PARD3B: variants seen among roughly 807,000 people sequenced by gnomAD.
The protein encoded by PARD3B is partitioning defective 3 homolog B.
A neutral mutation model predicts 130.2 loss-of-function variants in PARD3B; 103 were observed. The ratio of observed to expected loss-of-function variants is 0.79; its 90% CI spans 0.67 to 0.93. The LOEUF (loss-of-function observed/expected upper bound fraction) is 0.93. Among genes scored for constraint, PARD3B ranks in the 40% least tolerant of loss-of-function variants. The pLI is 0.00. For synonymous variants in PARD3B, 583 were observed against 553.2 expected, an observed-to-expected ratio of 1.05 and a Z score of -0.76; for missense variants, 1,609 against 1,499.2, an observed-to-expected ratio of 1.07 and a Z score of -1.21.
chr2:205,303,588 C>T (rs1000655250), intron 18 of PARD3B, among the ~76,000 whole-genome samples: 1 of 152,082 alleles, frequency 6.6e-6, no homozygotes, highest in African/African-American at 2.4e-5. Flanking sequence ...CCCACTGTAC[C>T]GCTCCTCCTC....
At chr2:205,377,540 G>A (rs1156994483) in intron 18 of PARD3B, among the ~76,000 whole-genome samples, 2 of 152,028 alleles carry the variant, frequency 1.3e-5, no homozygotes, top group Non-Finnish European at 1.5e-5. Context: ...AAAAGGATGG[G>A]AGGGAGATCC....
chr2:205,043,166 A>G (rs1698511385), intron 3 of PARD3B, among the ~76,000 whole-genome samples: 1 of 152,042 alleles, frequency 6.6e-6, no homozygotes, highest in Admixed American at 6.6e-5. Context: ...GTAAGGTTAT[A>G]TTTGTTTTAG....
chr2:205,032,530 C>T (rs1697499425), intron 3 of PARD3B, among the ~76,000 whole-genome samples: 1 of 152,126 alleles, frequency 6.6e-6, no homozygotes, highest in African/African-American at 2.4e-5. Context: ...AGTCTCTATA[C>T]AGGAAAGAAT....
chr2:205,544,134 A>G (rs1439641052), intron 21 of PARD3B, among the ~76,000 whole-genome samples: 1 of 152,212 alleles, frequency 6.6e-6, no homozygotes, highest in African/African-American at 2.4e-5. Context: ...TTTAGTAAGT[A>G]CTAGATATTA....
chr2:205,407,528 T>C lies in PARD3B; in HGVS notation c.2741+6405T>C, dbSNP rs1301006797. Among the ~76,000 whole-genome samples the C allele has an allele frequency of 6.6e-6, 1 of 152,192 alleles. No individual in the cohort carries two copies. The highest frequency in any genetic ancestry group is 1.5e-5 in the Non-Finnish European group (1 of 68,030). On this transcript the variant is annotated intron_variant, in intron 19 of 22. Coordinates refer to ENST00000406610, the MANE Select transcript of PARD3B (RefSeq NM_001302769.2). This position sits in a 1 kb window ranked among gnomAD's most constrained non-coding sequence, Gnocchi z 4.1. ...TGTCAGTAAGTATATATTGTTGTTA[T>C]TCAATTCTAAGACCTAAGTTTGTAA...
chr2:205,199,939 A>G (rs1182684195), intron 15 of PARD3B, among the ~76,000 whole-genome samples: 20 of 151,976 alleles, frequency 1.3e-4, no homozygotes, highest in East Asian at 1.9e-4. Flanking sequence ...GGTAATCTCA[A>G]TGCTGATCAT....
In PARD3B at chr2:204,673,724, C is replaced by T. The variant is rs2036410630; in HGVS notation, c.121-12457C>T. 1.3e-5 allele frequency among the ~76,000 whole-genome samples: 2 copies of T among 152,312 alleles called. No homozygotes were observed. The highest frequency in any genetic ancestry group is 2.1e-4 in the South Asian group (1 of 4,826). On this transcript the variant is annotated intron_variant, in intron 1 of 22. Transcript: ENST00000406610. The surrounding 1 kb of genome is among the most constrained non-coding windows in gnomAD (Gnocchi z 4.7). ...CCTCATCCTACTGTATTTTATCTCT[C>T]AAATTGCTTATCACTTACTAACATA...
intron 3 of PARD3B, among the ~76,000 whole-genome samples, chr2:205,034,462 G>A (rs1697656989): frequency 6.6e-6 from 1 of 152,116 alleles, no homozygotes; most frequent in South Asian, 2.1e-4. Flanking sequence ...CCTTTGTGTT[G>A]TGTGCTGATG....
chr2:204,825,723 C>A (rs1407527777), intron 2 of PARD3B, among the ~76,000 whole-genome samples: 1 of 152,200 alleles, frequency 6.6e-6, no homozygotes, highest in Admixed American at 6.5e-5. Flanking sequence ...CAGTAATTAT[C>A]CACTGAAGTT....
In PARD3B at chr2:204,967,351, A is replaced by G. The variant is rs1437778049; in HGVS notation, c.394+2028A>G. 1.3e-5 allele frequency among the ~76,000 whole-genome samples: 2 copies of G among 152,170 alleles called. No homozygotes were observed. Among genetic ancestry groups the G allele is most frequent in the African/African-American group, 2.4e-5 (1 of 41,444 alleles). On this transcript the variant is annotated intron_variant, in intron 3 of 22. Transcript: ENST00000406610. This position sits in a 1 kb window ranked among gnomAD's most constrained non-coding sequence, Gnocchi z 4.4. ...ACAGCAGGCCAGAGCTTTGCCATCA[A>G]TTAGACTATTGCAGAGGCCTCAGAC...
intron 20 of PARD3B, among the ~76,000 whole-genome samples, chr2:205,485,913 A>T (rs2049422071): frequency 6.6e-6 from 1 of 152,158 alleles, no homozygotes; most frequent in Admixed American, 6.6e-5. Flanking sequence ...GCTGGAGTTC[A>T]TCATACTTCA....
At chr2:205,192,023 A>G (rs1392118550) in intron 14 of PARD3B, among the ~76,000 whole-genome samples, 1 of 152,168 alleles carries the variant, frequency 6.6e-6, no homozygotes, top group Non-Finnish European at 1.5e-5. Flanking sequence ...CTGGCTAAAC[A>G]GGTACTTCCT....
chr2:205,456,786 TGTA>T (rs1302333352), intron 20 of PARD3B, among the ~76,000 whole-genome samples: 2 of 150,422 alleles, frequency 1.3e-5, no homozygotes, highest in African/African-American at 2.4e-5. Flanking sequence ...TATAATTAAA[TGTA>T]GTCATAGTAT....
intron 21 of PARD3B, 66 bp from the exon 22 acceptor site, chr2:205,553,258 G>A (rs986331837): frequency 1.2e-5 from 18 of 1,450,800 alleles, no homozygotes; most frequent in African/African-American, 7.0e-5. Flanking sequence ...TTATAATTTC[G>A]AGATGCATTG....
chr2:204,936,660 G>A (rs1460577293), intron 2 of PARD3B, among the ~76,000 whole-genome samples: 2 of 152,160 alleles, frequency 1.3e-5, no homozygotes, highest in Non-Finnish European at 2.9e-5. Context: ...TTTGAACTGA[G>A]GATTCTCTGA....
At chr2:204,993,187 C>T (rs200303410) in intron 3 of PARD3B, among the ~76,000 whole-genome samples, 31,736 of 81,608 alleles carry the variant, frequency 0.39, 6,189 homozygotes, top group East Asian at 0.79. Flanking sequence ...CCAGTTTTTG[C>T]CCATTCAGTA....
intron 22 of PARD3B, among the ~76,000 whole-genome samples, chr2:205,559,982 A>G (rs1033777140): frequency 6.6e-6 from 1 of 152,182 alleles, no homozygotes. Context: ...CTGACTGACA[A>G]TGCTCACAGC....
chr2:204,844,805 A>G (rs959301691), intron 2 of PARD3B, among the ~76,000 whole-genome samples: 1 of 152,136 alleles, frequency 6.6e-6, no homozygotes, highest in African/African-American at 2.4e-5. Context: ...AAAAAGTTGT[A>G]CGTTTTATTT....
intron 21 of PARD3B, among the ~76,000 whole-genome samples, chr2:205,527,028 G>A (rs965420829): frequency 6.6e-6 from 1 of 152,150 alleles, no homozygotes; most frequent in East Asian, 1.9e-4. Context: ...TCAAATGAGA[G>A]GTTTGCAGGT....
Sources: gnomAD v4.1 joint callset for allele counts (sites outside exome capture counted in the v4.1 genomes callset) on GRCh38, gnomAD v4.1.1 for gene constraint, Gnocchi (gnomAD v3.1) non-coding constraint, MANE v1.5 for transcripts, NCBI Gene and HGNC (gene_info 2026-07-23, HGNC 2026-07-21) for gene names.